Variants in GGH observed in about 807,000 individuals in gnomAD.
GGH encodes the protein gamma-Glu-X carboxypeptidase.
GGH carries 18 observed loss-of-function variants against 39.2 expected under a neutral mutation model. The observed-to-expected ratio is 0.46, with a 90% CI of 0.32 to 0.68. The LOEUF (loss-of-function observed/expected upper bound fraction) is 0.68, where lower values mean the gene tolerates loss of function less well. GGH is among the 30% of genes least tolerant of loss of function. The probability of loss-of-function intolerance (pLI) is 0.04; values close to 1 mark genes in which losing one functional copy is unlikely to be tolerated. For missense variants in GGH, 367 were observed against 384.1 expected (o/e 0.96, Z 0.37); for synonymous variants, 147 against 138.8 (o/e 1.06, Z -0.42).
intron 2 of GGH, among the ~76,000 whole-genome samples, chr8:63,033,000 C>A (rs1380507847): frequency 6.6e-6 from 1 of 152,176 alleles, no homozygotes; most frequent in Non-Finnish European, 1.5e-5. Flanking sequence ...GTAAGCCAAG[C>A]CCTCAACACT....
intron 8 of GGH, among the ~76,000 whole-genome samples, 188 bp from the exon 9 acceptor site, chr8:63,015,641 C>CAAAA (rs372991597): frequency 7.9e-6 from 1 of 127,170 alleles, no homozygotes; most frequent in East Asian, 2.1e-4. Flanking sequence ...ACTTACTTTC[C>CAAAA]AAAAAAAAAA....
rs1804674450 is a variant in GGH at position 63,025,858 on chromosome 8, G to C, written c.499+300C>G. On this transcript the variant is annotated intron_variant, in intron 5 of 8. Coordinates refer to ENST00000260118, the MANE Select transcript of GGH (RefSeq NM_003878.3). ...GGTTCCTCAAGGTAAAAGTGACAAAGCTAGGAGTCAAAACCAGATCCCATT... is the reference window on the plus strand; with the variant it reads ...GGTTCCTCAAGGTAAAAGTGACAAACCTAGGAGTCAAAACCAGATCCCATT... Among the ~76,000 whole-genome samples, 5 of 152,200 alleles carry C rather than the reference G, an allele frequency of 3.3e-5. 1 individual carries two copies. Among genetic ancestry groups the C allele is most frequent in the Admixed American group, 3.3e-4 (5 of 15,290 alleles).
At chr8:63,029,940 T>C (rs1264042261) in intron 3 of GGH, 3 of 345,152 alleles carry the variant, frequency 8.7e-6, no homozygotes, top group East Asian at 4.6e-5. Flanking sequence ...AAATTATGTG[T>C]GTCTACTATG....
rs768768658 is a variant in GGH at position 63,023,904 on chromosome 8, T to C, written c.697+3A>G. On this transcript the variant is annotated splice_donor_region_variant and intron_variant, in intron 7 of 8. Transcript: ENST00000260118. ...ATAAAGTATACATGTTATAGTGATA[T>C]ACCTTCCATTGTTGAAATAAACTCA... is the stretch of plus-strand genomic sequence containing the variant. The C allele has an allele frequency of 2.6e-6, 4 of 1,555,074 alleles. No homozygotes were observed. The highest frequency in any genetic ancestry group is 1.8e-6 in the Non-Finnish European group (2 of 1,140,334).
chr8:63,017,381 C>T, intron 8 of GGH, 112 bp downstream of exon 8: 2 of 655,522 alleles, frequency 3.1e-6, no homozygotes, highest in Admixed American at 5.4e-5. Context: ...TAAAGTTAAA[C>T]CTATAGAACT....
intron 2 of GGH, among the ~76,000 whole-genome samples, chr8:63,034,909 G>T (rs1440848774): frequency 6.6e-6 from 1 of 152,004 alleles, no homozygotes; most frequent in African/African-American, 2.4e-5. Context: ...AGCCTTTGGG[G>T]TAAAAATGGT....
At chr8:63,018,851 C>T (rs570720146) in intron 7 of GGH, among the ~76,000 whole-genome samples, 32 of 152,250 alleles carry the variant, frequency 2.1e-4, no homozygotes, top group African/African-American at 7.5e-4. Context: ...TATAAGAAAT[C>T]TTCAAAAAGC....
At chr8:63,030,365 T>C in intron 2 of GGH, 148 bp from the exon 3 acceptor site, 1 of 551,618 alleles carries the variant, frequency 1.8e-6, no homozygotes, top group Non-Finnish European at 3.3e-6. Flanking sequence ...AGAGGCATTT[T>C]TGCAAACCAC....
chr8:63,017,047 T>G (rs1285646026), intron 8 of GGH, among the ~76,000 whole-genome samples: 2 of 152,018 alleles, frequency 1.3e-5, no homozygotes, highest in Non-Finnish European at 2.9e-5. Context: ...AAGAAAGAGC[T>G]TGGTGTGGTA....
chr8:63,027,678 T>A (rs1415850328), intron 3 of GGH, among the ~76,000 whole-genome samples: 1 of 152,128 alleles, frequency 6.6e-6, no homozygotes, highest in East Asian at 1.9e-4. Flanking sequence ...AGGTTTTAGC[T>A]CACAAATAAT....
At chr8:63,038,544 G>C in intron 1 of GGH, 116 bp downstream of exon 1, 2 of 507,750 alleles carry the variant, frequency 3.9e-6, no homozygotes, top group South Asian at 6.8e-5. Flanking sequence ...CAAAAGCGAA[G>C]CACATCTGGG....
chr8:63,019,689 A>G (rs1488923125), intron 7 of GGH, among the ~76,000 whole-genome samples: 1 of 152,224 alleles, frequency 6.6e-6, no homozygotes, highest in Non-Finnish European at 1.5e-5. Flanking sequence ...GTGTTTTCAG[A>G]AAGTCAGCCA....
At chr8:63,022,206 A>T (rs1391488017) in intron 7 of GGH, among the ~76,000 whole-genome samples, 1 of 152,118 alleles carries the variant, frequency 6.6e-6, no homozygotes, top group African/African-American at 2.4e-5. Flanking sequence ...AAACAAGATC[A>T]TAAAGACATT....
intron 2 of GGH, among the ~76,000 whole-genome samples, chr8:63,035,031 C>T (rs1056635407): frequency 6.6e-6 from 1 of 152,024 alleles, no homozygotes; most frequent in Non-Finnish European, 1.5e-5. Context: ...CTCACCCCGC[C>T]CCCCCAACCA....
At chr8:63,034,035 A>T (rs1381354602) in intron 2 of GGH, among the ~76,000 whole-genome samples, 4 of 145,990 alleles carry the variant, frequency 2.7e-5, no homozygotes, top group Non-Finnish European at 6.0e-5. Flanking sequence ...TATATATAAA[A>T]ATATATATAT....
intron 7 of GGH, among the ~76,000 whole-genome samples, chr8:63,021,108 T>C (rs1804577510): frequency 1.3e-5 from 2 of 152,204 alleles, no homozygotes; most frequent in Admixed American, 1.3e-4. Context: ...CCGAACATTG[T>C]TTCTTTTTTG....
At chr8:63,022,794 G>A (rs766057423) in intron 7 of GGH, among the ~76,000 whole-genome samples, 1 of 151,894 alleles carries the variant, frequency 6.6e-6, no homozygotes, top group Non-Finnish European at 1.5e-5. Flanking sequence ...AAAGTGCTGG[G>A]ATTACAGGCA....
At chr8:63,019,313 G>A (rs1466467856) in intron 7 of GGH, among the ~76,000 whole-genome samples, 1 of 152,106 alleles carries the variant, frequency 6.6e-6, no homozygotes, top group Non-Finnish European at 1.5e-5. Context: ...ATCTCAGTTG[G>A]GTCAGCTTAC....
In GGH at chr8:63,027,221, T is replaced by C. The variant is rs1214923996; in HGVS notation, c.320A>G (p.Tyr107Cys). ...ATAAAATATTTTGGCCACTTTAGCA[T>C]AATCTGAGCGTCTGAGGTCAACACT... is the stretch of plus-strand genomic sequence containing the variant. ...GGSVDLRRSD[Y>C]AKVAKIFYNL... is the part of the protein sequence containing the mutation. The change falls in exon 4 of 9, where the codon TAT becomes TGT. Residue 107 changes from tyrosine (Y) to cysteine (C), a missense_variant. Physicochemically the swap from Tyr to Cys is radical, Grantham distance 194 (BLOSUM62 -2). Transcript: ENST00000260118. 1.3e-6 allele frequency: 2 copies of C among 1,591,270 alleles called. No individual in the cohort carries two copies. Among genetic ancestry groups the C allele is most frequent in the Non-Finnish European group, 1.7e-6 (2 of 1,159,362 alleles).
Sources: allele counts gnomAD v4.1 joint callset (sites outside exome capture counted in the v4.1 genomes callset), GRCh38; gene constraint gnomAD v4.1.1; transcripts MANE v1.5; gene names NCBI Gene and HGNC (gene_info 2026-07-23, HGNC 2026-07-21).